LRRC8A: variants seen among roughly 807,000 people sequenced by gnomAD.
LRRC8A encodes volume-regulated anion channel subunit LRRC8A.
A neutral mutation model predicts 52.5 loss-of-function variants in LRRC8A; 24 were observed. The observed-to-expected ratio is 0.46, with a 90% confidence interval of 0.33 to 0.64. LRRC8A has a LOEUF of 0.64. LRRC8A is among the 30% of genes least tolerant of loss of function. The pLI is 0.02. For synonymous variants in LRRC8A, 492 were observed against 494.2 expected, an observed-to-expected ratio of 1.00 and a Z score of 0.06; for missense variants, 677 against 1,094.7, an observed-to-expected ratio of 0.62 and a Z score of 5.38.
At chr9:128,894,650 A>C (rs1197887212) in intron 2 of LRRC8A, among the ~76,000 whole-genome samples, 4 of 147,566 alleles carry the variant, frequency 2.7e-5, no homozygotes, top group African/African-American at 1.0e-4. Context: ...AAAATTAGCC[A>C]GGAGTGGTGG....
intron 2 of LRRC8A, among the ~76,000 whole-genome samples, chr9:128,888,297 C>T (rs1289234864): frequency 2.0e-5 from 3 of 152,012 alleles, no homozygotes; most frequent in Non-Finnish European, 4.4e-5. Context: ...CTCCTTTTTG[C>T]CAAGGATGGC....
intron 2 of LRRC8A, among the ~76,000 whole-genome samples, chr9:128,895,822 T>C (rs967063122): frequency 1.3e-5 from 2 of 151,912 alleles, no homozygotes; most frequent in Admixed American, 6.5e-5. Context: ...CTGTGGGAGG[T>C]TGGGGAGAGC....
intron 2 of LRRC8A, among the ~76,000 whole-genome samples, chr9:128,898,766 G>GC (rs1317187613): frequency 1.3e-5 from 2 of 152,268 alleles, no homozygotes; most frequent in Non-Finnish European, 2.9e-5. Flanking sequence ...TCTGGCCCTG[G>GC]CCCGGCCCTT....
intron 1 of LRRC8A, among the ~76,000 whole-genome samples, chr9:128,884,809 A>G (rs1220293861): frequency 3.3e-5 from 5 of 152,082 alleles, no homozygotes; most frequent in Non-Finnish European, 7.4e-5. Flanking sequence ...CCGTGCCTAT[A>G]TAGCTGTAGG....
intron 2 of LRRC8A, among the ~76,000 whole-genome samples, chr9:128,897,960 C>CAA (rs200799230): frequency 8.8e-5 from 5 of 56,764 alleles, no homozygotes; most frequent in East Asian, 4.0e-4. Flanking sequence ...GACTCTGTCT[C>CAA]AAAAAAAAAA....
chr9:128,889,134 C>T (rs1839507736), intron 2 of LRRC8A, among the ~76,000 whole-genome samples: 1 of 152,156 alleles, frequency 6.6e-6, no homozygotes, highest in Admixed American at 6.5e-5. Context: ...GTTGGTATGG[C>T]TTGGCAGCTG....
intron 2 of LRRC8A, among the ~76,000 whole-genome samples, chr9:128,889,405 G>A (rs1292375014): frequency 3.3e-5 from 5 of 152,010 alleles, no homozygotes; most frequent in Non-Finnish European, 7.4e-5. Context: ...AGTCCCAGTC[G>A]TCTACCGCAG....
chr9:128,916,356 C>T lies in LRRC8A; in HGVS notation c.2418C>T (p.Asp806=). 1.9e-6 allele frequency: 3 copies of T among 1,611,330 alleles called. No homozygotes were observed. Among genetic ancestry groups the T allele is most frequent in the Non-Finnish European group, 2.5e-6 (3 of 1,179,736 alleles). ...TGAAGGAGCGGCTGTGGAGGGCTGACAAGGAGCAGGCCTGAGCGAGGCCGG... is the reference window on the plus strand; with the variant it reads ...TGAAGGAGCGGCTGTGGAGGGCTGATAAGGAGCAGGCCTGAGCGAGGCCGG... The part of the protein sequence containing the change: ...PEVKERLWRA[D]KEQA Residue 806 remains aspartate, a synonymous_variant, in exon 4 of 4, where the codon GAC becomes GAT. Transcript: ENST00000372600. The surrounding 1 kb of genome is among the most constrained non-coding windows in gnomAD (Gnocchi z 6.1).
rs1193600718 is a variant in LRRC8A at position 128,892,229 on chromosome 9, C to T, written c.-9+6108C>T. Among the ~76,000 whole-genome samples, 3 of 152,194 alleles carry T rather than the reference C, an allele frequency of 2.0e-5. No individual in the cohort carries two copies. The highest frequency in any genetic ancestry group is 4.1e-4 in the South Asian group (2 of 4,832). Reference sequence around the variant, plus strand: ...AAGGACATACTGGGCACTTAGTTGACGGTCAGTAACTGGGCGCTCCTGCCC... The same window carrying T: ...AAGGACATACTGGGCACTTAGTTGATGGTCAGTAACTGGGCGCTCCTGCCC... On this transcript the variant is annotated intron_variant, in intron 2 of 3. Coordinates refer to ENST00000372600, the MANE Select transcript of LRRC8A (RefSeq NM_019594.4). This position sits in a 1 kb window ranked among gnomAD's most constrained non-coding sequence, Gnocchi z 5.2.
rs7860709 is a variant in LRRC8A at position 128,884,439 on chromosome 9, G to A, written c.-115-1576G>A. On this transcript the variant is annotated intron_variant, in intron 1 of 3. Coordinates refer to ENST00000372600, the MANE Select transcript of LRRC8A (RefSeq NM_019594.4). The stretch of plus-strand genomic sequence containing the variant: ...TTCATTCAGCCATTCTTTAGAAAGT[G>A]CCTGTCTTGGGCCTGGGATGGCTGG... 7.3e-3 allele frequency among the ~76,000 whole-genome samples: 1,107 copies of A among 152,288 alleles called. 7 individuals are homozygous for A. Among genetic ancestry groups the A allele is most frequent in the African/African-American group, 0.019 (783 of 41,564 alleles).
At position 128,908,140 on chromosome 9, in the gene LRRC8A, A is replaced by G; in HGVS notation, c.976A>G (p.Ile326Val). The change falls in exon 3 of 4, where the codon ATC (isoleucine) becomes GTC (valine). Residue 326 changes from isoleucine to valine, a missense_variant. Ile to Val is a conservative substitution (Grantham distance 29). This residue lies in a region of LRRC8A where 422 missense variants were observed against 741.5 expected (regional missense o/e 0.57). Transcript: ENST00000372600. ...TLFKILASFY[I>V]SLVIFYGLIC... ...CTTCAAGATCCTGGCGTCCTTCTACATCAGCCTAGTCATCTTCTACGGCCT... is the reference window on the plus strand; with the variant it reads ...CTTCAAGATCCTGGCGTCCTTCTACGTCAGCCTAGTCATCTTCTACGGCCT... 6.8e-6 allele frequency: 11 copies of G among 1,613,998 alleles called. No homozygotes were observed. The highest frequency in any genetic ancestry group is 9.3e-6 in the Non-Finnish European group (11 of 1,180,026).
rs569170662 is a variant in LRRC8A at position 128,899,055 on chromosome 9, C to T, written c.-8-8102C>T. Among the ~76,000 whole-genome samples, 4 of 152,164 alleles carry T rather than the reference C, an allele frequency of 2.6e-5. No homozygotes were observed. Among genetic ancestry groups the T allele is most frequent in the African/African-American group, 7.2e-5 (3 of 41,454 alleles). On this transcript the variant is annotated intron_variant, in intron 2 of 3. Coordinates refer to ENST00000372600, the MANE Select transcript of LRRC8A (RefSeq NM_019594.4). The surrounding 1 kb of genome is among the most constrained non-coding windows in gnomAD (Gnocchi z 4.0). ...CTGCAGTCACAGCCCAGCAGTCTGA[C>T]GCGGGGGTGGGCAGCTGAGGGGGAA...
Position 128,907,450 on chromosome 9 carries a change from G to A in LRRC8A, c.286G>A (p.Gly96Ser). The A allele has an allele frequency of 6.2e-7, 1 of 1,613,790 alleles. No homozygotes were observed. ...ILPTPDTGPT[G>S]IKYDLDRHQY... ...GCCGACCCCTGACACGGGCCCCACA[G>A]GCATCAAGTATGACCTGGACCGGCA... The change falls in exon 3 of 4, where the codon GGC becomes AGC. Residue 96 changes from glycine (G) to serine (S), a missense_variant. Transcript: ENST00000372600. This position sits in a 1 kb window ranked among gnomAD's most constrained non-coding sequence, Gnocchi z 9.3.
rs770848613 is a variant in LRRC8A, at chr9:128,908,776, G to A, written c.1612G>A (p.Asp538Asn). The change falls in exon 3 of 4, where the codon GAC becomes AAC. Residue 538 changes from aspartate (D) to asparagine (N), a missense_variant. By Grantham distance (23) the Asp-to-Asn change is conservative (BLOSUM62 1). Transcript: ENST00000372600. Reference protein sequence around the residue: ...SAENNRYIVIDGLRELKRLKV... With the variant: ...SAENNRYIVINGLRELKRLKV... ...GGAGAACAACCGCTACATCGTCATCGACGGGCTGCGGGAGCTCAAACGCCT... is the reference window on the plus strand; with the variant it reads ...GGAGAACAACCGCTACATCGTCATCAACGGGCTGCGGGAGCTCAAACGCCT... 4 of 1,613,340 alleles carry A rather than the reference G, an allele frequency of 2.5e-6. No individual in the cohort carries two copies. The highest frequency in any genetic ancestry group is 3.4e-6 in the Non-Finnish European group (4 of 1,180,024).
chr9:128,903,703 G>T (rs1840123209), intron 2 of LRRC8A, among the ~76,000 whole-genome samples: 1 of 151,582 alleles, frequency 6.6e-6, no homozygotes, highest in Non-Finnish European at 1.5e-5. Context: ...GTGAGCCTCT[G>T]TGCCTGGCCC....
chr9:128,892,593 C>A lies in LRRC8A; in HGVS notation c.-9+6472C>A, dbSNP rs1010749210. Among the ~76,000 whole-genome samples the A allele has an allele frequency of 3.9e-5, 6 of 152,212 alleles. No homozygotes were observed. The highest frequency in any genetic ancestry group is 1.4e-4 in the African/African-American group (6 of 41,452). On this transcript the variant is annotated intron_variant, in intron 2 of 3. Coordinates refer to ENST00000372600, the MANE Select transcript of LRRC8A (RefSeq NM_019594.4). The surrounding 1 kb of genome is among the most constrained non-coding windows in gnomAD (Gnocchi z 5.2). ...CACCCCCAGCCAGCAGCCTCTGACT[C>A]ACCCCAGCTGGGTGTGGGGGCCTCC...
rs1840551536 is a variant in LRRC8A, at chr9:128,911,904, C to G, written c.2157+2583C>G. On this transcript the variant is annotated intron_variant, in intron 3 of 3. Transcript: ENST00000372600. The surrounding 1 kb of genome is among the most constrained non-coding windows in gnomAD (Gnocchi z 4.9). ...GTGGGAGGCCTGAGCCCCTCTTCCT[C>G]CTCACTCGGGCTTGATGGCTCCTTC... 1.3e-5 allele frequency among the ~76,000 whole-genome samples: 2 copies of G among 152,270 alleles called. No homozygotes were observed. Among genetic ancestry groups the G allele is most frequent in the Admixed American group, 6.5e-5 (1 of 15,292 alleles).
chr9:128,908,733 G>A lies in LRRC8A; in HGVS notation c.1569G>A (p.Leu523=), dbSNP rs761532332. 3.1e-6 allele frequency: 5 copies of A among 1,613,190 alleles called. No homozygotes were observed. The highest frequency in any genetic ancestry group is 4.2e-6 in the Non-Finnish European group (5 of 1,180,044). ...YSLKTLEELH[L]TGNLSAENNR... ...TGAAGACACTGGAGGAGCTGCACCT[G>A]ACGGGCAACCTGAGCGCGGAGAACA... Residue 523 remains leucine, a synonymous_variant, in exon 3 of 4, where the codon CTG becomes CTA. Coordinates refer to ENST00000372600, the MANE Select transcript of LRRC8A (RefSeq NM_019594.4).
intron 2 of LRRC8A, among the ~76,000 whole-genome samples, chr9:128,891,328 T>G (rs1404039317): frequency 6.9e-6 from 1 of 145,072 alleles, no homozygotes; most frequent in South Asian, 2.2e-4. Flanking sequence ...TACTTAGAGG[T>G]TGAGACTGGA....
Sources: gnomAD v4.1 joint callset for allele counts (sites outside exome capture counted in the v4.1 genomes callset) on GRCh38, gnomAD v4.1.1 for gene constraint, gnomAD v4.1.1 regional missense constraint, Gnocchi (gnomAD v3.1) non-coding constraint, MANE v1.5 for transcripts, NCBI Gene and HGNC (gene_info 2026-07-23, HGNC 2026-07-21) for gene names.